Variants in NCAM2 observed in about 807,000 individuals in gnomAD.
NCAM2 encodes the protein neural cell adhesion molecule 2.
A neutral mutation model predicts 98.1 loss-of-function variants in NCAM2; 30 were observed. The observed-to-expected ratio is 0.31, with a 90% CI of 0.23 to 0.41. NCAM2 has a LOEUF of 0.41. Ranked by LOEUF, NCAM2 falls within the 10% of genes least tolerant of loss-of-function variation. The pLI is 1.00. For missense variants in NCAM2, 867 were observed against 1,005.8 expected, an observed-to-expected ratio of 0.86 and a Z score of 1.87; for synonymous variants, 368 against 342.4, an observed-to-expected ratio of 1.07 and a Z score of -0.83.
intron 9 of NCAM2, among the ~76,000 whole-genome samples, chr21:21,403,503 C>T (rs1248585647): frequency 6.6e-6 from 1 of 152,162 alleles, no homozygotes; most frequent in Non-Finnish European, 1.5e-5. Context: ...CACAAACTCT[C>T]AATGTGCCAG....
intron 14 of NCAM2, among the ~76,000 whole-genome samples, chr21:21,476,935 A>G (rs1985246837): frequency 6.6e-6 from 1 of 151,928 alleles, no homozygotes; most frequent in Non-Finnish European, 1.5e-5. Context: ...TCTGTGTATC[A>G]TGTTTCATTT....
At chr21:21,500,796 A>G (rs1343796181) in intron 15 of NCAM2, among the ~76,000 whole-genome samples, 1 of 152,058 alleles carries the variant, frequency 6.6e-6, no homozygotes, top group Non-Finnish European at 1.5e-5. Flanking sequence ...TCTTCCCTGT[A>G]GAAGATAGGA....
chr21:21,355,404 G>A (rs1276314851), intron 8 of NCAM2, among the ~76,000 whole-genome samples: 1 of 149,192 alleles, frequency 6.7e-6, no homozygotes, highest in Non-Finnish European at 1.5e-5. Flanking sequence ...AGAGGTTGCA[G>A]GGAGCCGAGG....
At chr21:21,300,301 A>T (rs1039146530) in intron 5 of NCAM2, among the ~76,000 whole-genome samples, 1 of 152,024 alleles carries the variant, frequency 6.6e-6, no homozygotes, top group East Asian at 1.9e-4. Context: ...GAAGATCCAA[A>T]TGAGGCACCT....
At chr21:21,331,845 C>G (rs1228039761) in intron 6 of NCAM2, among the ~76,000 whole-genome samples, 1 of 150,488 alleles carries the variant, frequency 6.6e-6, no homozygotes, top group Non-Finnish European at 1.5e-5. Context: ...CCTTGGCATC[C>G]CAAAGTGCTG....
chr21:21,275,768 A>G (rs2072706463), intron 1 of NCAM2, among the ~76,000 whole-genome samples: 1 of 152,114 alleles, frequency 6.6e-6, no homozygotes, highest in South Asian at 2.1e-4. Context: ...AAACTTATAT[A>G]TTTATCACAA....
intron 9 of NCAM2, among the ~76,000 whole-genome samples, chr21:21,395,304 T>A (rs551430155): frequency 6.6e-6 from 1 of 152,068 alleles, no homozygotes; most frequent in African/African-American, 2.4e-5. Context: ...ACTGAACTCC[T>A]GGCCCACAGC....
Position 21,403,693 on chromosome 21 carries a change from A to T in NCAM2, c.1196-6581A>T, listed in dbSNP as rs538834735. ...ATTTGGCAAGGCAACCCATGATGGC[A>T]GTATATCATGAAGAAGTTAAATTCC... On this transcript the variant is annotated intron_variant, in intron 9 of 17. Transcript: ENST00000400546. 4.4e-4 allele frequency among the ~76,000 whole-genome samples: 67 copies of T among 152,338 alleles called. No homozygotes were observed. In the South Asian group the frequency reaches 0.012, roughly 28 times the overall value.
At chr21:21,077,927 A>C (rs1375897082) in intron 1 of NCAM2, among the ~76,000 whole-genome samples, 2 of 152,138 alleles carry the variant, frequency 1.3e-5, no homozygotes, top group African/African-American at 4.8e-5. Flanking sequence ...AGTATTGGTG[A>C]GGTGTACCAG....
chr21:21,102,620 T>C (rs74974875), intron 1 of NCAM2, among the ~76,000 whole-genome samples: 1 of 151,372 alleles, frequency 6.6e-6, no homozygotes, highest in Non-Finnish European at 1.5e-5. Context: ...GTGATAAGTT[T>C]TGAGGGGGGA....
At chr21:21,161,857 G>T (rs1209419415) in intron 1 of NCAM2, among the ~76,000 whole-genome samples, 4 of 151,974 alleles carry the variant, frequency 2.6e-5, no homozygotes, top group Non-Finnish European at 5.9e-5. Flanking sequence ...GAGCAGAGAT[G>T]TTGCAGTAGT....
At chr21:21,401,468 T>TA (rs559888832) in intron 9 of NCAM2, among the ~76,000 whole-genome samples, 6 of 152,308 alleles carry the variant, frequency 3.9e-5, no homozygotes, top group Admixed American at 3.9e-4. Context: ...CTATTCCTCT[T>TA]ACCACCATAA....
rs573669578 is a variant in NCAM2, at chr21:21,382,186, C to T, written c.1195+8173C>T. 1.5e-3 allele frequency among the ~76,000 whole-genome samples: 222 copies of T among 152,040 alleles called. 2 individuals are homozygous for T. The highest frequency in any genetic ancestry group is 2.1e-4 in the South Asian group (1 of 4,810). On this transcript the variant is annotated intron_variant, in intron 9 of 17. Coordinates refer to ENST00000400546, the MANE Select transcript of NCAM2 (RefSeq NM_004540.5). ...CTAAGTATTGTTTTCTTTGAATTTT[C>T]TTATTTGGAGTGTACTGAGCTTCTG...
intron 1 of NCAM2, among the ~76,000 whole-genome samples, chr21:21,080,075 C>A (rs1043423543): frequency 1.3e-5 from 2 of 149,134 alleles, no homozygotes; most frequent in African/African-American, 5.0e-5. Flanking sequence ...CTTATACATG[C>A]AAATGAGCTT....
chr21:21,287,175 C>T (rs1396769078), intron 4 of NCAM2, among the ~76,000 whole-genome samples: 1 of 151,896 alleles, frequency 6.6e-6, no homozygotes, highest in East Asian at 1.9e-4. Context: ...TTTTTCAATG[C>T]ACCTGCACAG....
At chr21:21,272,963 C>CACACACACACACACACACAT (rs1555850124) in intron 1 of NCAM2, among the ~76,000 whole-genome samples, 1 of 118,424 alleles carries the variant, frequency 8.4e-6, no homozygotes, top group African/African-American at 3.2e-5. Context: ...CACACACACA[C>CACACACACACACACACACAT]GGGACATGCA....
At chr21:21,331,509 C>CTATATATATATATATATATATATA (rs748594575) in intron 6 of NCAM2, among the ~76,000 whole-genome samples, 1 of 5,018 alleles carries the variant, frequency 2.0e-4, no homozygotes, top group African/African-American at 6.5e-4. Context: ...ACTCTATACT[C>CTATATATATATATATATATATATA]TCTCTCTCTA....
intron 1 of NCAM2, among the ~76,000 whole-genome samples, chr21:21,186,016 G>T (rs2068630861): frequency 6.6e-6 from 1 of 152,108 alleles, no homozygotes; most frequent in South Asian, 2.1e-4. Flanking sequence ...CACTGATGCG[G>T]TTCTCTTTCT....
At chr21:21,298,628 T>C (rs2073586887) in intron 5 of NCAM2, among the ~76,000 whole-genome samples, 1 of 149,328 alleles carries the variant, frequency 6.7e-6, no homozygotes, top group South Asian at 2.1e-4. Flanking sequence ...GATAGATAGA[T>C]AGATGATAGA....
Sources: allele counts gnomAD v4.1 joint callset (sites outside exome capture counted in the v4.1 genomes callset), GRCh38; gene constraint gnomAD v4.1.1; transcripts MANE v1.5; gene names NCBI Gene and HGNC (gene_info 2026-07-23, HGNC 2026-07-21).